CCSER2: variants seen among roughly 807,000 people sequenced by gnomAD.
CCSER2 encodes the protein coiled-coil serine rich protein 2, also known as serine-rich coiled-coil domain-containing protein 2.
CCSER2 carries 46 observed loss-of-function variants against 92.3 expected under a neutral mutation model. The ratio of observed to expected loss-of-function variants is 0.50; its 90% CI spans 0.39 to 0.64. The LOEUF (loss-of-function observed/expected upper bound fraction) is 0.64, where lower values mean the gene tolerates loss of function less well. Ranked by LOEUF, CCSER2 falls within the 30% of genes least tolerant of loss-of-function variation. The pLI is 0.00. For missense variants in CCSER2, 1,244 were observed against 1,238.9 expected, an observed-to-expected ratio of 1.00 and a Z score of -0.06; for synonymous variants, 433 against 431.4, an observed-to-expected ratio of 1.00 and a Z score of -0.04.
intron 3 of CCSER2, among the ~76,000 whole-genome samples, chr10:84,413,735 C>T (rs1842763449): frequency 6.6e-6 from 1 of 152,052 alleles, no homozygotes; most frequent in Non-Finnish European, 1.5e-5. Flanking sequence ...CTAATATTGT[C>T]ATTGGGGTAT....
intron 1 of CCSER2, among the ~76,000 whole-genome samples, chr10:84,354,333 T>C (rs1044501346): frequency 6.6e-6 from 1 of 152,208 alleles, no homozygotes; most frequent in African/African-American, 2.4e-5. Context: ...GAACCTGCTG[T>C]AGTCAGGTTT....
At chr10:84,396,863 G>T (rs957433445) in intron 3 of CCSER2, among the ~76,000 whole-genome samples, 1 of 151,886 alleles carries the variant, frequency 6.6e-6, no homozygotes, top group Non-Finnish European at 1.5e-5. Flanking sequence ...TTTTTGTACC[G>T]CTGTATACTA....
intron 9 of CCSER2, among the ~76,000 whole-genome samples, chr10:84,481,544 G>A (rs1039849763): frequency 1.3e-5 from 2 of 152,080 alleles, no homozygotes; most frequent in African/African-American, 4.8e-5. Flanking sequence ...GTTATTATTT[G>A]TGAGACTGAA....
intron 8 of CCSER2, chr10:84,473,287 A>G (rs1846928863): frequency 6.6e-6 from 1 of 152,178 alleles, no homozygotes; most frequent in African/African-American, 2.4e-5. Flanking sequence ...GTATTCAGCT[A>G]GAAATTCCCT....
At chr10:84,340,905 G>A (rs982408972) in intron 1 of CCSER2, among the ~76,000 whole-genome samples, 4 of 152,128 alleles carry the variant, frequency 2.6e-5, no homozygotes, top group South Asian at 2.1e-4. Context: ...GAGAAGGTCC[G>A]AGTCCACAAA....
At chr10:84,451,680 G>T (rs993587885) in intron 6 of CCSER2, among the ~76,000 whole-genome samples, 8 of 151,810 alleles carry the variant, frequency 5.3e-5, no homozygotes, top group Non-Finnish European at 1.2e-4. Context: ...TAAATGTGTA[G>T]GTTCAATAAA....
At chr10:84,364,723 T>A (rs1477469670) in intron 1 of CCSER2, among the ~76,000 whole-genome samples, 1 of 151,468 alleles carries the variant, frequency 6.6e-6, no homozygotes, top group African/African-American at 2.4e-5. Flanking sequence ...AAGGCATTTA[T>A]AAGTATTTTT....
chr10:84,509,678 A>G (rs1849249799), intron 9 of CCSER2, among the ~76,000 whole-genome samples: 1 of 152,156 alleles, frequency 6.6e-6, no homozygotes, highest in Non-Finnish European at 1.5e-5. Flanking sequence ...CCTCATTTTG[A>G]TGCTTCAGTA....
chr10:84,511,893 T>A (rs985399273), intron 9 of CCSER2, among the ~76,000 whole-genome samples: 3 of 152,240 alleles, frequency 2.0e-5, no homozygotes, highest in African/African-American at 7.2e-5. Context: ...ACCCAGTGAC[T>A]TTAAAGTCTG....
At chr10:84,503,262 A>G (rs1342619827) in intron 9 of CCSER2, among the ~76,000 whole-genome samples, 1 of 152,062 alleles carries the variant, frequency 6.6e-6, no homozygotes, top group East Asian at 1.9e-4. Context: ...AGATAAATGG[A>G]AGGTTCTGGC....
chr10:84,455,851 T>C, intron 6 of CCSER2: 3 of 760,976 alleles, frequency 3.9e-6, no homozygotes, highest in Non-Finnish European at 7.3e-6. Context: ...TATATCCCAT[T>C]GTAACGGGAG....
At chr10:84,502,521 G>C (rs1436586322) in intron 9 of CCSER2, among the ~76,000 whole-genome samples, 1 of 152,000 alleles carries the variant, frequency 6.6e-6, no homozygotes, top group South Asian at 2.1e-4. Flanking sequence ...ACAGGCGCCT[G>C]CCACTACGCC....
rs150470107 is a variant in CCSER2 at position 84,395,628 on chromosome 10, A to G, written c.1614+21813A>G. On this transcript the variant is annotated intron_variant, in intron 3 of 9. Transcript: ENST00000372088. ...GCAACCTGTATTAGCAGAAGCTGCC[A>G]GCTTGGTAGCTTAAGTTGGGTTGCA... Among the ~76,000 whole-genome samples, 247 of 152,318 alleles carry G rather than the reference A, an allele frequency of 1.6e-3. 1 individual carries two copies. The highest frequency in any genetic ancestry group is 5.5e-3 in the African/African-American group (230 of 41,586).
chr10:84,346,522 A>C (rs1394100968), intron 1 of CCSER2, among the ~76,000 whole-genome samples: 1 of 152,188 alleles, frequency 6.6e-6, no homozygotes, highest in Non-Finnish European at 1.5e-5. Flanking sequence ...AGGGATACCC[A>C]GCTAAACCAT....
chr10:84,483,065 TTATA>T (rs1281741596), intron 9 of CCSER2, among the ~76,000 whole-genome samples: 1 of 152,050 alleles, frequency 6.6e-6, no homozygotes, highest in East Asian at 1.9e-4. Context: ...CATATGTAAT[TTATA>T]TAAGTTCAGC....
At chr10:84,384,906 A>T (rs1841104885) in intron 3 of CCSER2, among the ~76,000 whole-genome samples, 1 of 152,152 alleles carries the variant, frequency 6.6e-6, no homozygotes, top group South Asian at 2.1e-4. Flanking sequence ...ACTTCAGTAA[A>T]GTTTCAGGAT....
chr10:84,503,432 T>C (rs1480272537), intron 9 of CCSER2, among the ~76,000 whole-genome samples: 6 of 152,228 alleles, frequency 3.9e-5, no homozygotes, highest in African/African-American at 1.4e-4. Flanking sequence ...GGATTTGAGC[T>C]TTTGTACAAA....
chr10:84,404,714 C>T (rs1842291816), intron 3 of CCSER2, among the ~76,000 whole-genome samples: 1 of 152,112 alleles, frequency 6.6e-6, no homozygotes, highest in Non-Finnish European at 1.5e-5. Flanking sequence ...AGCAATGTTG[C>T]AAGATACAAA....
chr10:84,402,172 T>C (rs1293484429), intron 3 of CCSER2, among the ~76,000 whole-genome samples: 2 of 152,168 alleles, frequency 1.3e-5, no homozygotes, highest in Non-Finnish European at 2.9e-5. Context: ...GTGTGTTTCA[T>C]TGAAGCCATG....
Sources: allele counts gnomAD v4.1 joint callset (sites outside exome capture counted in the v4.1 genomes callset), GRCh38; gene constraint gnomAD v4.1.1; transcripts MANE v1.5; gene names NCBI Gene and HGNC (gene_info 2026-07-23, HGNC 2026-07-21).